Variants in AP4S1 observed in about 807,000 individuals in gnomAD.
AP4S1 encodes the protein adaptor related protein complex 4 subunit sigma 1, also known as AP-4 complex subunit sigma-1.
AP4S1 carries 23 observed loss-of-function variants against 19.8 expected under a neutral mutation model. That is an observed-to-expected ratio of 1.16 (90% CI 0.84 to 1.65). The LOEUF (loss-of-function observed/expected upper bound fraction) is 1.65. AP4S1 is among the 40% of genes most tolerant of loss of function. The pLI is 0.00. For synonymous variants in AP4S1, 46 were observed against 54.1 expected (o/e 0.85, Z 0.66); for missense variants, 166 against 172.8 (o/e 0.96, Z 0.22).
intron 1 of AP4S1, among the ~76,000 whole-genome samples, chr14:31,058,787 G>T (rs1886277537): frequency 2.0e-5 from 3 of 150,532 alleles, no homozygotes; most frequent in Non-Finnish European, 2.9e-5. Flanking sequence ...TATTTCCCAG[G>T]CTGGTCCCCA....
chr14:31,036,634 G>T (rs1443959131), intron 1 of AP4S1, among the ~76,000 whole-genome samples: 1 of 152,146 alleles, frequency 6.6e-6, no homozygotes, highest in Admixed American at 6.5e-5. Flanking sequence ...ATTCCACCAG[G>T]TGTTTCTGGG....
chr14:31,073,891 A>C (rs1426060309), intron 4 of AP4S1, among the ~76,000 whole-genome samples: 1 of 152,058 alleles, frequency 6.6e-6, no homozygotes, highest in East Asian at 1.9e-4. Context: ...CACTTTAAGA[A>C]TCATTCCCAT....
chr14:31,077,796 C>CGCGATCTCGGCTCACT (rs1887444028), intron 4 of AP4S1, among the ~76,000 whole-genome samples: 1 of 143,962 alleles, frequency 6.9e-6, no homozygotes, highest in Non-Finnish European at 1.5e-5. Context: ...AGTGCAGTGG[C>CGCGATCTCGGCTCACT]GCGATCTCGG....
At chr14:31,092,349 C>T (rs1382290367) in intron 5 of AP4S1, among the ~76,000 whole-genome samples, 1 of 152,198 alleles carries the variant, frequency 6.6e-6, no homozygotes, top group Non-Finnish European at 1.5e-5. Context: ...AGCCTATAAG[C>T]AGAGCAGTCA....
chr14:31,076,814 C>T (rs769417465), intron 4 of AP4S1, among the ~76,000 whole-genome samples: 9 of 152,054 alleles, frequency 5.9e-5, no homozygotes, highest in Admixed American at 3.9e-4. Context: ...GTATCAAGTT[C>T]GAAACTCACC....
At chr14:31,033,893 G>GA (rs1884562747) in intron 1 of AP4S1, among the ~76,000 whole-genome samples, 1 of 151,728 alleles carries the variant, frequency 6.6e-6, no homozygotes, top group Non-Finnish European at 1.5e-5. Context: ...GTATGAGTAA[G>GA]AAAAAAAATA....
chr14:31,069,355 C>T (rs1566534964), intron 2 of AP4S1, among the ~76,000 whole-genome samples: 1 of 152,150 alleles, frequency 6.6e-6, no homozygotes, highest in Non-Finnish European at 1.5e-5. Flanking sequence ...GGATTCTTTT[C>T]ATGAGTCTAG....
At chr14:31,076,837 A>C (rs1158727472) in intron 4 of AP4S1, among the ~76,000 whole-genome samples, 1 of 152,218 alleles carries the variant, frequency 6.6e-6, no homozygotes, top group Non-Finnish European at 1.5e-5. Flanking sequence ...TCTTTTAAAA[A>C]AGAATCAGTA....
intron 1 of AP4S1, among the ~76,000 whole-genome samples, chr14:31,059,985 GTA>G (rs933324459): frequency 1.3e-4 from 9 of 70,862 alleles, no homozygotes; most frequent in Admixed American, 2.4e-4. Context: ...ATGTATATAT[GTA>G]TATATATTTA....
intron 1 of AP4S1, among the ~76,000 whole-genome samples, chr14:31,030,625 A>C (rs534426756): frequency 6.6e-6 from 1 of 152,290 alleles, no homozygotes; most frequent in East Asian, 1.9e-4. Flanking sequence ...GTAAGATTAC[A>C]GGCATAAGCC....
intron 1 of AP4S1, among the ~76,000 whole-genome samples, chr14:31,044,962 T>C (rs1239856885): frequency 6.6e-6 from 1 of 151,664 alleles, no homozygotes; most frequent in African/African-American, 2.4e-5. Context: ...AGTGCAGTGG[T>C]GCAATCTCAG....
At chr14:31,034,469 G>T (rs1411450836) in intron 1 of AP4S1, among the ~76,000 whole-genome samples, 1 of 151,704 alleles carries the variant, frequency 6.6e-6, no homozygotes, top group Admixed American at 6.6e-5. Flanking sequence ...GACTTTTTTT[G>T]GGGGGGAAAC....
At chr14:31,054,238 A>T (rs1885971922) in intron 1 of AP4S1, among the ~76,000 whole-genome samples, 1 of 152,248 alleles carries the variant, frequency 6.6e-6, no homozygotes, top group South Asian at 2.1e-4. Context: ...AAGTTCTGAA[A>T]TTAAAAATCA....
At chr14:31,078,548 A>G (rs891948767) in intron 4 of AP4S1, among the ~76,000 whole-genome samples, 15 of 152,196 alleles carry the variant, frequency 9.9e-5, no homozygotes, top group Admixed American at 9.8e-4. Context: ...TTTCAAGGTG[A>G]CACCCACCAA....
At chr14:31,042,442 C>A (rs1277386999) in intron 1 of AP4S1, among the ~76,000 whole-genome samples, 1 of 152,140 alleles carries the variant, frequency 6.6e-6, no homozygotes, top group Non-Finnish European at 1.5e-5. Flanking sequence ...ACTGTTCTTA[C>A]CTCCTCTACC....
chr14:31,088,940 G>A (rs528981326), intron 5 of AP4S1, among the ~76,000 whole-genome samples: 19 of 151,722 alleles, frequency 1.3e-4, no homozygotes, highest in South Asian at 8.3e-4. Context: ...GCAAAGTGCC[G>A]CACTTCAGCC....
At chr14:31,086,861 TA>T (rs1887932253) in intron 5 of AP4S1, among the ~76,000 whole-genome samples, 1 of 152,072 alleles carries the variant, frequency 6.6e-6, no homozygotes, top group African/African-American at 2.4e-5. Flanking sequence ...AAAATTAATG[TA>T]AAAAAATTTT....
intron 4 of AP4S1, among the ~76,000 whole-genome samples, chr14:31,073,413 C>T (rs1185288977): frequency 3.7e-5 from 5 of 136,976 alleles, no homozygotes; most frequent in Admixed American, 7.5e-5. Context: ...TGGCGTGAAC[C>T]CGGGAGGCGG....
intron 1 of AP4S1, among the ~76,000 whole-genome samples, chr14:31,036,747 G>A (rs1333883315): frequency 6.6e-6 from 1 of 152,130 alleles, no homozygotes; most frequent in Non-Finnish European, 1.5e-5. Flanking sequence ...TTCTAGTGGG[G>A]CTCCTTTTTT....
Sources: allele counts gnomAD v4.1 joint callset (sites outside exome capture counted in the v4.1 genomes callset), GRCh38; gene constraint gnomAD v4.1.1; transcripts MANE v1.5; gene names NCBI Gene and HGNC (gene_info 2026-07-23, HGNC 2026-07-21).